Variants in PCSK5 observed in about 807,000 individuals in gnomAD.
PCSK5 encodes prohormone convertase 5.
In PCSK5, 129 loss-of-function variants were observed where a neutral mutation model predicts 233.2. The observed-to-expected ratio is 0.55, with a 90% CI of 0.48 to 0.64. The LOEUF is 0.64. PCSK5 is among the 30% of genes least tolerant of loss of function. The pLI, the probability that PCSK5 is intolerant of heterozygous loss-of-function variation, is 0.00. For synonymous variants in PCSK5, 825 were observed against 879.2 expected, an observed-to-expected ratio of 0.94 and a Z score of 1.09; for missense variants, 2,076 against 2,430.1, an observed-to-expected ratio of 0.85 and a Z score of 3.06.
intron 10 of PCSK5, among the ~76,000 whole-genome samples, chr9:76,138,017 A>T (rs963914675): frequency 2.0e-5 from 3 of 152,114 alleles, no homozygotes; most frequent in Non-Finnish European, 4.4e-5. Flanking sequence ...TTGCCATTCC[A>T]GCTGGTTTTC....
At chr9:76,007,197 G>C (rs1269406766) in intron 3 of PCSK5, among the ~76,000 whole-genome samples, 1 of 151,920 alleles carries the variant, frequency 6.6e-6, no homozygotes, top group Non-Finnish European at 1.5e-5. Flanking sequence ...TTTTTGTTCT[G>C]TCCATATATT....
chr9:76,182,316 T>G (rs982377261), intron 16 of PCSK5, among the ~76,000 whole-genome samples: 6 of 152,148 alleles, frequency 3.9e-5, no homozygotes, highest in African/African-American at 1.2e-4. Context: ...TCAAAAAATA[T>G]GACTGTCTTT....
intron 2 of PCSK5, among the ~76,000 whole-genome samples, chr9:75,970,024 C>G (rs1325309486): frequency 6.6e-6 from 1 of 152,052 alleles, no homozygotes; most frequent in African/African-American, 2.4e-5. Flanking sequence ...CAGGTGTGCA[C>G]CACCACACCC....
At chr9:76,063,140 T>G (rs1279045801) in intron 5 of PCSK5, among the ~76,000 whole-genome samples, 4 of 151,514 alleles carry the variant, frequency 2.6e-5, no homozygotes, top group Admixed American at 6.6e-5. Flanking sequence ...TTTTTTCTTT[T>G]TTTTTTCTTT....
chr9:76,350,638 T>C (rs1830096628), intron 35 of PCSK5, among the ~76,000 whole-genome samples, 190 bp from the exon 36 acceptor site: 1 of 152,190 alleles, frequency 6.6e-6, no homozygotes, highest in South Asian at 2.1e-4. Context: ...AGACTGAGAG[T>C]CTACATAGAT....
chr9:75,939,130 A>G (rs1824188220), intron 2 of PCSK5, among the ~76,000 whole-genome samples: 1 of 152,232 alleles, frequency 6.6e-6, no homozygotes, highest in Non-Finnish European at 1.5e-5. Flanking sequence ...CTTGGTGCTA[A>G]GAAAATGATG....
intron 20 of PCSK5, among the ~76,000 whole-genome samples, chr9:76,210,699 G>T (rs1825295966): frequency 6.6e-6 from 1 of 152,176 alleles, no homozygotes; most frequent in Non-Finnish European, 1.5e-5. Context: ...ATTTCAGAGA[G>T]AACATTCTGG....
At chr9:76,178,282 T>C (rs1359468636) in intron 14 of PCSK5, among the ~76,000 whole-genome samples, 2 of 152,222 alleles carry the variant, frequency 1.3e-5, no homozygotes, top group Admixed American at 1.3e-4. Context: ...TGCTGTCAAA[T>C]GACTCTTGCA....
chr9:75,891,073 G>GGCGGCCCGGGGCTGCGAGCT lies in PCSK5; in HGVS notation c.-94_-93insGAGCTGCGGCCCGGGGCTGC. The GGCGGCCCGGGGCTGCGAGCT allele has an allele frequency of 1.9e-6, 2 of 1,041,680 alleles. No homozygotes were observed. Among genetic ancestry groups the GGCGGCCCGGGGCTGCGAGCT allele is most frequent in the Non-Finnish European group, 2.5e-6 (2 of 786,650 alleles). The allele number at this position is 1,041,680 out of a possible 1,614,324, so 64.5% of individuals were successfully genotyped here. On this transcript the variant is annotated 5_prime_UTR_variant, in exon 1 of 38. Transcript: ENST00000674117. ...CCGATCGCCCGGGGCTGCGAGCTGC[G>GGCGGCCCGGGGCTGCGAGCT]GCGGCCCGGGGCTGCTCGCCGGGCG...
chr9:75,965,508 C>T (rs1265848051), intron 2 of PCSK5, among the ~76,000 whole-genome samples: 5 of 152,114 alleles, frequency 3.3e-5, no homozygotes, highest in African/African-American at 7.2e-5. Context: ...CATGCAGGCA[C>T]GTGGGAAGGG....
intron 27 of PCSK5, among the ~76,000 whole-genome samples, chr9:76,301,388 C>T (rs1382967024): frequency 6.6e-6 from 1 of 152,014 alleles, no homozygotes; most frequent in East Asian, 1.9e-4. Flanking sequence ...GTCGGGATAC[C>T]TAATAGGCAG....
At chr9:76,204,096 T>C (rs568363412) in intron 20 of PCSK5, among the ~76,000 whole-genome samples, 58 of 152,204 alleles carry the variant, frequency 3.8e-4, no homozygotes, top group Non-Finnish European at 7.6e-4. Flanking sequence ...TAAACCAGAA[T>C]TTTTTATTCA....
intron 9 of PCSK5, among the ~76,000 whole-genome samples, chr9:76,127,965 C>T (rs977867993): frequency 1.3e-5 from 2 of 152,108 alleles, no homozygotes; most frequent in South Asian, 2.1e-4. Context: ...GACTCTGAAG[C>T]GTAATTTACA....
At chr9:76,112,561 T>C (rs1832267322) in intron 9 of PCSK5, among the ~76,000 whole-genome samples, 2 of 152,154 alleles carry the variant, frequency 1.3e-5, no homozygotes, top group African/African-American at 4.8e-5. Flanking sequence ...TACTTATCTT[T>C]TCCCTCCTAT....
At chr9:76,341,464 T>C (rs571268874) in intron 35 of PCSK5, among the ~76,000 whole-genome samples, 1 of 152,322 alleles carries the variant, frequency 6.6e-6, no homozygotes, top group East Asian at 1.9e-4. Flanking sequence ...TTAAACTTTA[T>C]TTTATAATTA....
intron 2 of PCSK5, among the ~76,000 whole-genome samples, chr9:75,957,827 A>G (rs1203980497): frequency 1.3e-5 from 2 of 152,224 alleles, no homozygotes; most frequent in African/African-American, 2.4e-5. Flanking sequence ...TTTTGGAACA[A>G]TGATGAAGGT....
At chr9:75,933,889 G>A (rs935381474) in intron 2 of PCSK5, among the ~76,000 whole-genome samples, 2 of 152,148 alleles carry the variant, frequency 1.3e-5, no homozygotes, top group East Asian at 1.9e-4. Context: ...TAATTAAAAC[G>A]ACGCTAATTT....
intron 32 of PCSK5, 57 bp downstream of exon 32, chr9:76,323,345 C>A: frequency 1.0e-6 from 1 of 982,240 alleles, no homozygotes. Flanking sequence ...CCAGCCCCAG[C>A]CCCAGCGCCA....
rs767379232 is a variant in PCSK5, at chr9:76,332,481, A to G, written c.4619A>G (p.Asp1540Gly). Residue 1540 changes from aspartate to glycine, a missense_variant, in exon 34 of 38, where the codon GAC becomes GGC. Asp to Gly is a moderately conservative substitution (Grantham distance 94, BLOSUM62 -1). Transcript: ENST00000674117. ...DCPEGYYADE[D>G]SNRCAHCHSS... The stretch of plus-strand genomic sequence containing the variant: ...CCAGAGGGCTATTATGCCGATGAGG[A>G]CAGCAACCGGTGTGCCCACTGCCAC... The G allele has an allele frequency of 6.2e-7, 1 of 1,612,526 alleles. No homozygotes were observed. Among genetic ancestry groups the G allele is most frequent in the African/African-American group, 1.3e-5 (1 of 74,932 alleles).
Sources: gnomAD v4.1 joint callset for allele counts (sites outside exome capture counted in the v4.1 genomes callset) on GRCh38, gnomAD v4.1.1 for gene constraint, MANE v1.5 for transcripts, NCBI Gene and HGNC (gene_info 2026-07-23, HGNC 2026-07-21) for gene names.